The following FANCM variants were observed in gnomAD, a reference collection of about 807,000 sequenced individuals.
FANCM encodes FA complementation group M.
A neutral mutation model predicts 199.5 loss-of-function variants in FANCM; 140 were observed. The ratio of observed to expected loss-of-function variants is 0.70; its 90% CI spans 0.61 to 0.81. The LOEUF is 0.81. Among genes scored for constraint, FANCM ranks in the 30% least tolerant of loss-of-function variants. The pLI, the probability that FANCM is intolerant of heterozygous loss-of-function variation, is 0.00. For synonymous variants in FANCM, 840 were observed against 836.8 expected (o/e 1.00, Z -0.07); for missense variants, 2,410 against 2,421.4 (o/e 1.00, Z 0.10).
At position 45,176,501 on chromosome 14, in the gene FANCM, A is replaced by G. The variant is rs1017919543; in HGVS notation, c.3747A>G (p.Thr1249=). The stretch of plus-strand genomic sequence containing the variant: ...CTGATGATGAAATATTGGAACATAC[A>G]TCAGATAGCAATAGACCTCTAGATG... ...PDSDDEILEH[T]SDSNRPLDDL... The change falls in exon 14 of 23, where the codon ACA becomes ACG. Residue 1249 remains threonine (T), a synonymous_variant. Transcript: ENST00000267430. 2 of 1,607,128 alleles carry G rather than the reference A, an allele frequency of 1.2e-6. No individual in the cohort carries two copies. Among genetic ancestry groups the G allele is most frequent in the South Asian group, 1.1e-5 (1 of 89,882 alleles).
intron 3 of FANCM, among the ~76,000 whole-genome samples, chr14:45,142,076 C>T (rs899632794): frequency 1.3e-5 from 2 of 152,010 alleles, no homozygotes; most frequent in African/African-American, 4.8e-5. Context: ...TAGAAGTCTT[C>T]GTTTGGTCCT....
At chr14:45,186,853 A>G (rs1336986175) in intron 18 of FANCM, among the ~76,000 whole-genome samples, 1 of 152,224 alleles carries the variant, frequency 6.6e-6, no homozygotes, top group Non-Finnish European at 1.5e-5. Context: ...ATAATCTGAC[A>G]TAATTTAGTA....
At position 45,183,792 on chromosome 14, in the gene FANCM, G is replaced by A; in HGVS notation, c.4405G>A (p.Asp1469Asn). Reference sequence around the variant, plus strand: ...ATTATAGTCAGAATTATCATCTAGTGATGAGAGTGAGAATTTTCCCAAACC... The same window carrying A: ...ATTATAGTCAGAATTATCATCTAGTAATGAGAGTGAGAATTTTCCCAAACC... ...PINRSELSSS[D>N]ESENFPKPCS... Residue 1469 changes from aspartate to asparagine, a missense_variant, in exon 17 of 23, where the codon GAT (aspartate) becomes AAT (asparagine). Transcript: ENST00000267430. 1 of 1,607,922 alleles carries A rather than the reference G, an allele frequency of 6.2e-7. No individual in the cohort carries two copies.
chr14:45,163,660 A>G (rs1887761075), intron 9 of FANCM, among the ~76,000 whole-genome samples: 1 of 152,268 alleles, frequency 6.6e-6, no homozygotes, highest in Non-Finnish European at 1.5e-5. Flanking sequence ...AGAAATATTT[A>G]TAAACCTATT....
At chr14:45,198,622 T>C in intron 21 of FANCM, 22 bp from the exon 22 acceptor site, 1 of 1,585,324 alleles carries the variant, frequency 6.3e-7, no homozygotes, top group Non-Finnish European at 8.6e-7. Context: ...AAGTTTGCCT[T>C]TCCCTAAATA....
In FANCM at chr14:45,196,379, C is replaced by T; in HGVS notation, c.5548C>T (p.Leu1850Phe). Residue 1850 changes from leucine (L) to phenylalanine (F), a missense_variant, in exon 21 of 23, where the codon CTT (leucine) becomes TTT (phenylalanine). Transcript: ENST00000267430. ...IHGLQVEVCP[L>F]NGCDYIVSNR... is the part of the protein sequence containing the mutation. Reference sequence around the variant, plus strand: ...TGGGTTGCAAGTAGAAGTTTGTCCTCTTAATGGCTGTGATTACATCGTGAG... The same window carrying T: ...TGGGTTGCAAGTAGAAGTTTGTCCTTTTAATGGCTGTGATTACATCGTGAG... 6.2e-7 allele frequency: 1 copy of T among 1,614,086 alleles called. No homozygotes were observed. The highest frequency in any genetic ancestry group is 1.1e-5 in the South Asian group (1 of 91,082).
intron 5 of FANCM, among the ~76,000 whole-genome samples, chr14:45,153,576 A>G (rs556432499): frequency 6.6e-6 from 1 of 152,382 alleles, no homozygotes; most frequent in Non-Finnish European, 1.5e-5. Context: ...TTGAAAGAAC[A>G]AATATATCTA....
chr14:45,187,449 C>T (rs570087349), intron 18 of FANCM, among the ~76,000 whole-genome samples: 1 of 151,870 alleles, frequency 6.6e-6, no homozygotes, highest in South Asian at 2.1e-4. Context: ...TTTGAAACTT[C>T]TATAAATCTG....
chr14:45,171,941 T>G (rs1888368765), intron 12 of FANCM, among the ~76,000 whole-genome samples: 1 of 152,164 alleles, frequency 6.6e-6, no homozygotes, highest in African/African-American at 2.4e-5. Context: ...CCGTATTGTA[T>G]TGCCTAGTAG....
chr14:45,153,557 T>C (rs1286052470), intron 5 of FANCM, among the ~76,000 whole-genome samples: 1 of 152,254 alleles, frequency 6.6e-6, no homozygotes, highest in Non-Finnish European at 1.5e-5. Flanking sequence ...AGATGCTTAC[T>C]ATATAGTTTT....
In FANCM at chr14:45,185,212, C is replaced by G. The variant is rs759433481; in HGVS notation, c.4516-5C>G. The stretch of plus-strand genomic sequence containing the variant: ...TCTTCATGTTTTCTAATTTGTCTTA[C>G]TTAGCATGTAGCTAGGAAGTTTTTA... On this transcript the variant is annotated splice_polypyrimidine_tract_variant and splice_region_variant and intron_variant, in intron 17 of 22. Coordinates refer to ENST00000267430, the MANE Select transcript of FANCM (RefSeq NM_020937.4). 6.7e-7 allele frequency: 1 copy of G among 1,487,028 alleles called. No homozygotes were observed. Among genetic ancestry groups the G allele is most frequent in the Non-Finnish European group, 9.0e-7 (1 of 1,108,100 alleles). The allele number at this position is 1,487,028 out of a possible 1,614,324, so 92.1% of individuals were successfully genotyped here.
At chr14:45,173,475 T>G (rs1022182685) in intron 13 of FANCM, among the ~76,000 whole-genome samples, 1 of 152,236 alleles carries the variant, frequency 6.6e-6, no homozygotes, top group Non-Finnish European at 1.5e-5. Context: ...TAAACCTTAT[T>G]TAGGATTCTT....
At chr14:45,164,267 T>C (rs1887804890) in intron 9 of FANCM, 92 bp from the exon 10 acceptor site, 1 of 1,046,266 alleles carries the variant, frequency 9.6e-7, no homozygotes, top group African/African-American at 1.6e-5. Context: ...AATCTGATTT[T>C]ACTATTTTTC....
At chr14:45,193,165 G>A (rs918594909) in intron 20 of FANCM, among the ~76,000 whole-genome samples, 10 of 152,188 alleles carry the variant, frequency 6.6e-5, no homozygotes, top group Admixed American at 4.6e-4. Context: ...CAGAGCTTAG[G>A]TGAAGACCAC....
At chr14:45,139,805 C>T (rs910452287) in intron 2 of FANCM, among the ~76,000 whole-genome samples, 1 of 152,008 alleles carries the variant, frequency 6.6e-6, no homozygotes, top group Non-Finnish European at 1.5e-5. Context: ...GACTCTGCCT[C>T]TACAGAAAGT....
intron 3 of FANCM, among the ~76,000 whole-genome samples, chr14:45,141,842 G>A (rs1885987756): frequency 6.6e-6 from 1 of 151,978 alleles, no homozygotes; most frequent in South Asian, 2.1e-4. Context: ...GCCGGCCTCA[G>A]CCTCCCAAAG....
chr14:45,156,295 A>G (rs1887185263), intron 8 of FANCM, among the ~76,000 whole-genome samples: 1 of 152,202 alleles, frequency 6.6e-6, no homozygotes, highest in South Asian at 2.1e-4. Flanking sequence ...TACAAGTATG[A>G]CTGAGCCTAC....
At chr14:45,182,632 C>T (rs1381432447) in intron 16 of FANCM, among the ~76,000 whole-genome samples, 1 of 152,148 alleles carries the variant, frequency 6.6e-6, no homozygotes, top group Non-Finnish European at 1.5e-5. Context: ...TGATACTCAC[C>T]AGTTTATAGC....
rs1885575258 is a variant in FANCM, at chr14:45,137,131, C to T, written c.571C>T (p.Pro191Ser). The part of the protein sequence containing the change: ...WCSKRVLFLT[P>S]QVMVNDLSRG... ...CAGTAAGAGAGTGCTTTTTCTTACA[C>T]CTCAGGTCATGGTAAATGACCTTTC... is the stretch of plus-strand genomic sequence containing the variant. Residue 191 changes from proline (P) to serine (S), a missense_variant, in exon 2 of 23, where the codon CCT becomes TCT. Pro to Ser is a moderately conservative substitution (Grantham distance 74). Coordinates refer to ENST00000267430, the MANE Select transcript of FANCM (RefSeq NM_020937.4). The T allele has an allele frequency of 1.9e-6, 3 of 1,612,718 alleles. No individual in the cohort carries two copies. Among genetic ancestry groups the T allele is most frequent in the Non-Finnish European group, 2.5e-6 (3 of 1,178,836 alleles).
Sources: allele counts gnomAD v4.1 joint callset (sites outside exome capture counted in the v4.1 genomes callset), GRCh38; gene constraint gnomAD v4.1.1; transcripts MANE v1.5; gene names NCBI Gene and HGNC (gene_info 2026-07-23, HGNC 2026-07-21).